The following CDYL variants were observed in gnomAD, a reference collection of about 807,000 sequenced individuals.
CDYL encodes chromodomain Y-like protein.
Under a neutral mutation model 47.3 loss-of-function variants are expected in CDYL, and 8 were observed. The ratio of observed to expected loss-of-function variants is 0.17; its 90% CI spans 0.10 to 0.31. The LOEUF (loss-of-function observed/expected upper bound fraction) is 0.31. Ranked by LOEUF, CDYL falls within the 10% of genes least tolerant of loss-of-function variation. The probability of loss-of-function intolerance (pLI) is 1.00; values close to 1 mark genes in which losing one functional copy is unlikely to be tolerated. For synonymous variants in CDYL, 266 were observed against 265.0 expected (o/e 1.00, Z -0.04); for missense variants, 471 against 701.4 (o/e 0.67, Z 3.71).
intron 2 of CDYL, chr6:4,715,976 C>G: frequency 1.3e-6 from 2 of 1,505,938 alleles, no homozygotes; most frequent in South Asian, 2.6e-5. Context: ...TGGCCGGGCA[C>G]GGTGGCTCAC....
intron 2 of CDYL, among the ~76,000 whole-genome samples, chr6:4,731,261 T>C (rs539436220): frequency 1.1e-4 from 16 of 152,316 alleles, no homozygotes; most frequent in Admixed American, 7.8e-4. Context: ...TCACATGAAG[T>C]GTTCACATAA....
At chr6:4,845,098 C>A (rs1007719205) in intron 1 of CDYL, among the ~76,000 whole-genome samples, 1 of 152,144 alleles carries the variant, frequency 6.6e-6, no homozygotes, top group Non-Finnish European at 1.5e-5. Context: ...CTATATATTC[C>A]ATTTTTGTCT....
At chr6:4,882,684 A>G (rs2127478900) in intron 1 of CDYL, among the ~76,000 whole-genome samples, 1 of 152,376 alleles carries the variant, frequency 6.6e-6, no homozygotes, top group Non-Finnish European at 1.5e-5. Context: ...ATGCACTGGT[A>G]GATGACAGTA....
chr6:4,841,870 A>C (rs1191971384), intron 1 of CDYL, among the ~76,000 whole-genome samples: 2 of 151,246 alleles, frequency 1.3e-5, no homozygotes, highest in South Asian at 2.1e-4. Flanking sequence ...TATATTCTGC[A>C]GTTGTTGGAT....
chr6:4,883,455 G>T (rs1010212893), intron 1 of CDYL, among the ~76,000 whole-genome samples: 1 of 152,162 alleles, frequency 6.6e-6, no homozygotes, highest in Non-Finnish European at 1.5e-5. Context: ...AGCAGCAGGG[G>T]ATGGTGCCAG....
intron 2 of CDYL, among the ~76,000 whole-genome samples, chr6:4,932,676 C>G (rs1447555625): frequency 6.6e-6 from 1 of 152,170 alleles, no homozygotes; most frequent in Non-Finnish European, 1.5e-5. Flanking sequence ...GAACCCCCTT[C>G]TTAGAATGCC....
At chr6:4,721,761 A>T (rs1757374064) in intron 2 of CDYL, among the ~76,000 whole-genome samples, 1 of 152,140 alleles carries the variant, frequency 6.6e-6, no homozygotes, top group South Asian at 2.1e-4. Flanking sequence ...GAGTGAAAAG[A>T]TTCAAACAGA....
intron 1 of CDYL, among the ~76,000 whole-genome samples, chr6:4,808,784 A>G (rs571442005): frequency 1.7e-4 from 26 of 152,328 alleles, no homozygotes; most frequent in Non-Finnish European, 2.9e-5. Flanking sequence ...ATGGTGTCCC[A>G]GTCAAAATAC....
rs549261598 is a variant in CDYL at position 4,883,467 on chromosome 6, G to A, written c.25-8246G>A. Among the ~76,000 whole-genome samples, 23 of 152,258 alleles carry A rather than the reference G, an allele frequency of 1.5e-4. No individual in the cohort carries two copies. In the East Asian group the frequency reaches 3.1e-3, roughly 20 times the overall value. ...AGAAGCAGCAGGGGATGGTGCCAGC[G>A]CCTGCACCTGCCACACAGAACACCT... On this transcript the variant is annotated intron_variant, in intron 1 of 6. Coordinates refer to ENST00000397588, the MANE Select transcript of CDYL (RefSeq NM_004824.4).
chr6:4,926,256 TA>T (rs770958234), intron 2 of CDYL, among the ~76,000 whole-genome samples: 81 of 152,320 alleles, frequency 5.3e-4, no homozygotes, highest in Non-Finnish European at 8.8e-4. Context: ...ATTTGCAGAT[TA>T]TGTAATCTGA....
At chr6:4,924,530 G>A (rs975168726) in intron 2 of CDYL, among the ~76,000 whole-genome samples, 6 of 152,154 alleles carry the variant, frequency 3.9e-5, no homozygotes, top group African/African-American at 1.4e-4. Flanking sequence ...TGAGTTTAAA[G>A]CATTCTCTGA....
At chr6:4,824,939 C>G (rs147586675) in intron 1 of CDYL, among the ~76,000 whole-genome samples, 1 of 151,972 alleles carries the variant, frequency 6.6e-6, no homozygotes. Flanking sequence ...GGCATGATCT[C>G]GGCTCACTGC....
chr6:4,951,276 T>G (rs1266765561), intron 5 of CDYL, among the ~76,000 whole-genome samples: 1 of 152,098 alleles, frequency 6.6e-6, no homozygotes, highest in African/African-American at 2.4e-5. Context: ...TTAGGAAGGT[T>G]AACCGGGCAA....
chr6:4,790,139 TA>T (rs1410403047), intron 1 of CDYL, among the ~76,000 whole-genome samples: 4 of 152,228 alleles, frequency 2.6e-5, no homozygotes, highest in Non-Finnish European at 4.4e-5. Flanking sequence ...CTTTTGGATA[TA>T]TGCTGTATTA....
At position 4,815,965 on chromosome 6, in the gene CDYL, T is replaced by C. The variant is rs530771539; in HGVS notation, c.24+39158T>C. On this transcript the variant is annotated intron_variant, in intron 1 of 6. Transcript: ENST00000397588. Reference sequence around the variant, plus strand: ...CCCTCCTATATTTTCTTTGAGTATTTTTATAGGTTTTTTTTTTTTTTGACG... The same window carrying C: ...CCCTCCTATATTTTCTTTGAGTATTCTTATAGGTTTTTTTTTTTTTTGACG... Among the ~76,000 whole-genome samples the C allele has an allele frequency of 2.9e-3, 322 of 111,934 alleles. 1 individual carries two copies. Among genetic ancestry groups the C allele is most frequent in the African/African-American group, 7.6e-3 (278 of 36,424 alleles). 73.4% of individuals were successfully genotyped at this position (111,934 alleles called of 152,430 possible).
At chr6:4,780,170 G>C (rs1481462696) in intron 1 of CDYL, among the ~76,000 whole-genome samples, 1 of 151,930 alleles carries the variant, frequency 6.6e-6, no homozygotes, top group African/African-American at 2.4e-5. Flanking sequence ...CCCAGCTCTA[G>C]ACTTAGAGCT....
At chr6:4,879,422 T>C (rs1479766654) in intron 1 of CDYL, among the ~76,000 whole-genome samples, 1 of 152,202 alleles carries the variant, frequency 6.6e-6, no homozygotes, top group Non-Finnish European at 1.5e-5. Context: ...AATGTCCCTA[T>C]TTATGTCTTG....
intron 2 of CDYL, among the ~76,000 whole-genome samples, chr6:4,912,544 G>A (rs1367805601): frequency 6.6e-6 from 1 of 152,254 alleles, no homozygotes; most frequent in East Asian, 1.9e-4. Flanking sequence ...GATGGTGAAG[G>A]GATTGAAGTG....
Position 4,734,865 on chromosome 6 carries a change from G to C in CDYL, c.186+21G>C, listed in dbSNP as rs762306769. On this transcript the variant is annotated intron_variant, in intron 3 of 8. Coordinates refer to the CDYL transcript ENST00000328908. ...TACAGGTAGGTCTTGGTTTCTCCCA[G>C]TGGCAAGCTTGGAGTCCATCTGGCA... The C allele has an allele frequency of 2.5e-6, 4 of 1,613,610 alleles. No individual in the cohort carries two copies. The East Asian group carries it at 8.9e-5, about 36-fold the overall frequency.
Sources: allele counts gnomAD v4.1 joint callset (sites outside exome capture counted in the v4.1 genomes callset), GRCh38; gene constraint gnomAD v4.1.1; transcripts MANE v1.5; gene names NCBI Gene and HGNC (gene_info 2026-07-23, HGNC 2026-07-21).